TLE2: variants seen among roughly 807,000 people sequenced by gnomAD.
The protein encoded by TLE2 is transducin-like enhancer protein 2.
A neutral mutation model predicts 97.2 loss-of-function variants in TLE2; 74 were observed. The observed-to-expected ratio is 0.76, with a 90% CI of 0.63 to 0.92. The LOEUF is 0.92. TLE2 is among the 40% of genes least tolerant of loss of function. The pLI is 0.00. For missense variants in TLE2, 1,038 were observed against 1,008.7 expected (o/e 1.03, Z -0.39); for synonymous variants, 499 against 432.1 (o/e 1.15, Z -1.92).
upstream of TLE2, among the ~76,000 whole-genome samples, chr19:3,046,726 G>T (rs2090143752): frequency 6.6e-6 from 1 of 152,196 alleles, no homozygotes; most frequent in African/African-American, 2.4e-5. Context: ...CAGAATGGGG[G>T]AGGGGGGCTG....
rs917041948 is a variant in TLE2, at chr19:3,005,468, C to T, written c.1865G>A (p.Arg622His). ...GCTGAAGTCATGCTGCTGCAGCTGG[C>T]GGCCCTCCCGCAGGTCCCAGCAGCG... ...TVRCWDLREG[R>H]QLQQHDFSSQ... Residue 622 changes from arginine to histidine, a missense_variant, in exon 17 of 20, where the codon CGC becomes CAC. Physicochemically the swap from Arg to His is conservative, Grantham distance 29 (BLOSUM62 0). Coordinates refer to ENST00000262953, the MANE Select transcript of TLE2 (RefSeq NM_003260.5). The T allele has an allele frequency of 3.1e-6, 5 of 1,613,654 alleles. No individual in the cohort carries two copies. The highest frequency in any genetic ancestry group is 2.2e-5 in the East Asian group (1 of 44,898).
At chr19:3,027,754 C>T (rs1018596039) in intron 4 of TLE2, 75 bp downstream of exon 4, 2 of 1,499,720 alleles carry the variant, frequency 1.3e-6, no homozygotes, top group African/African-American at 2.8e-5. Flanking sequence ...GCCCCGGCTG[C>T]CCACTCTGGG....
chr19:2,998,234 C>T, intron 19 of TLE2, among the ~76,000 whole-genome samples: 1 of 118,264 alleles, frequency 8.5e-6, no homozygotes, highest in Non-Finnish European at 1.6e-5. Context: ...CCACGCCCGG[C>T]CAATGTGTGT....
chr19:3,014,337 G>C (rs1353645884), intron 10 of TLE2, among the ~76,000 whole-genome samples: 1 of 152,140 alleles, frequency 6.6e-6, no homozygotes, highest in African/African-American at 2.4e-5. Context: ...AGGGAAGGGG[G>C]TGTCACTGCC....
In TLE2 at chr19:3,019,983, T is replaced by A; in HGVS notation, c.295-210A>T. The A allele has an allele frequency of 3.0e-6, 2 of 676,056 alleles. No individual in the cohort carries two copies. The highest frequency in any genetic ancestry group is 4.9e-6 in the Non-Finnish European group (2 of 407,744). 41.9% of individuals were successfully genotyped at this position (676,056 alleles called of 1,614,324 possible). On this transcript the variant is annotated intron_variant, in intron 5 of 19. Transcript: ENST00000262953. The surrounding 1 kb of genome is among the most constrained non-coding windows in gnomAD (Gnocchi z 5.1). ...GAAAGAAACCAAACCTAAGTGCAGG[T>A]AGAATAGTTACAAATCAGGCCGGGC...
rs191431651 is a variant in TLE2, at chr19:3,041,561, C to T, written c.63+4165G>A. Among the ~76,000 whole-genome samples the T allele has an allele frequency of 3.7e-3, 566 of 152,308 alleles. 11 individuals carry two copies. Among genetic ancestry groups the T allele is most frequent in the Admixed American group, 0.034 (521 of 15,308 alleles). ...TCCTCAGAGAGGCCTCCCCTCCTCT[C>T]CTGGGCCAAGCAGCCCCGTCTCTCT... On this transcript the variant is annotated intron_variant, in intron 1 of 18. Transcript: ENST00000426948.
intron 5 of TLE2, 87 bp downstream of exon 5, chr19:3,024,933 T>G: frequency 1.7e-6 from 2 of 1,198,498 alleles, no homozygotes; most frequent in East Asian, 5.1e-5. Context: ...GCAGAATCAG[T>G]GCCTGGGGCG....
upstream of TLE2, among the ~76,000 whole-genome samples, chr19:3,031,215 C>T (rs2090021812): frequency 6.6e-6 from 1 of 151,994 alleles, no homozygotes; most frequent in South Asian, 2.1e-4. Flanking sequence ...AAAAGCAAAC[C>T]TGCTTATGTG....
chr19:3,019,322 T>C lies in TLE2; in HGVS notation c.511A>G (p.Lys171Glu). Residue 171 changes from lysine (K) to glutamate (E), a missense_variant, in exon 7 of 20, where the codon AAG (lysine) becomes GAG (glutamate). By Grantham distance (56) the Lys-to-Glu change is moderately conservative (BLOSUM62 1). Coordinates refer to ENST00000262953, the MANE Select transcript of TLE2 (RefSeq NM_003260.5). The surrounding 1 kb of genome is among the most constrained non-coding windows in gnomAD (Gnocchi z 5.1). Reference sequence around the variant, plus strand: ...GCCTCCACGCCCGCACGGTCCTCCTTGACAGCCGCCGCCAGCTGAGCCTGG... The same window carrying C: ...GCCTCCACGCCCGCACGGTCCTCCTCGACAGCCGCCGCCAGCTGAGCCTGG... ...AAQAQLAAAV[K>E]EDRAGVEAEG... The C allele has an allele frequency of 1.3e-6, 2 of 1,575,634 alleles. No individual in the cohort carries two copies. The highest frequency in any genetic ancestry group is 8.6e-7 in the Non-Finnish European group (1 of 1,169,082).
intron 5 of TLE2, among the ~76,000 whole-genome samples, chr19:3,022,816 G>A (rs1375392181): frequency 6.6e-6 from 1 of 151,980 alleles, no homozygotes; most frequent in Non-Finnish European, 1.5e-5. Context: ...TTCTAGAAAG[G>A]GCCAGAGAGT....
chr19:3,027,968 C>T (rs1195609520), intron 3 of TLE2, 95 bp from the exon 4 acceptor site: 4 of 1,272,648 alleles, frequency 3.1e-6, no homozygotes, highest in Non-Finnish European at 4.5e-6. Context: ...TCCCCAGGTT[C>T]AGGGGAATCA....
chr19:3,029,093 G>T lies in TLE2; in HGVS notation c.-189C>A, dbSNP rs888685855. 2.4e-6 allele frequency: 3 copies of T among 1,255,112 alleles called. No individual in the cohort carries two copies. The Admixed American group carries it at 1.2e-4, about 48-fold the overall frequency. 77.7% of individuals were successfully genotyped at this position (1,255,112 alleles called of 1,614,324 possible). Reference sequence around the variant, plus strand: ...CAAGCGCGCGCGCCCGGGGTCGTGGGAGCCCCTCCCCGGGTTGGGGTGCGC... The same window carrying T: ...CAAGCGCGCGCGCCCGGGGTCGTGGTAGCCCCTCCCCGGGTTGGGGTGCGC... On this transcript the variant is annotated 5_prime_UTR_variant, in exon 1 of 20. Coordinates refer to ENST00000262953, the MANE Select transcript of TLE2 (RefSeq NM_003260.5).
In TLE2 at chr19:3,002,377, G is replaced by A. The variant is rs752370612; in HGVS notation, c.2023C>T (p.Leu675=). Residue 675 remains leucine (L), a synonymous_variant, in exon 18 of 20, where the codon CTG becomes TTG. Coordinates refer to ENST00000262953, the MANE Select transcript of TLE2 (RefSeq NM_003260.5). ...CCGCAGGAGGCAAACTTCAGGGACA[G>A]CACGCAGCTCTCGTGGAGGTGCAGC... The part of the protein sequence containing the change: ...YQLHLHESCV[L]SLKFASCGRW... 18 of 1,613,384 alleles carry A rather than the reference G, an allele frequency of 1.1e-5. No homozygotes were observed. The highest frequency in any genetic ancestry group is 1.5e-5 in the Non-Finnish European group (18 of 1,179,776).
At chr19:3,026,855 G>A (rs911820673) in intron 4 of TLE2, among the ~76,000 whole-genome samples, 3 of 152,066 alleles carry the variant, frequency 2.0e-5, no homozygotes, top group Non-Finnish European at 2.9e-5. Context: ...GAACCTTGAG[G>A]TCTATCTCAG....
chr19:3,024,664 A>G (rs879397684), intron 5 of TLE2, among the ~76,000 whole-genome samples: 2 of 151,970 alleles, frequency 1.3e-5, no homozygotes, highest in Non-Finnish European at 2.9e-5. Context: ...CTTCACACCT[A>G]CGCTACTGAA....
At chr19:3,028,654 C>T (rs980429610) in intron 2 of TLE2, 52 bp downstream of exon 2, 109 of 1,602,428 alleles carry the variant, frequency 6.8e-5, no homozygotes, top group Non-Finnish European at 8.6e-5. Context: ...AGGCCTCGCC[C>T]CGCCCCGGCG....
At position 3,014,588 on chromosome 19, in the gene TLE2, G is replaced by A; in HGVS notation, c.705C>T (p.Tyr235=). 6.3e-7 allele frequency: 1 copy of A among 1,590,384 alleles called. No homozygotes were observed. Among genetic ancestry groups the A allele is most frequent in the Non-Finnish European group, 8.6e-7 (1 of 1,168,058 alleles). Residue 235 remains tyrosine (Y), a synonymous_variant, in exon 10 of 20, where the codon TAC becomes TAT. Transcript: ENST00000262953. ...GACTCACCTCGTCCACCACCAGATT[G>A]TAATCACTCTTGTCTTCGTCGCTTT... ...PYESDEDKSD[Y]NLVVDEDQPS... is the part of the protein sequence containing the mutation.
At chr19:3,047,270 G>A (rs898662213), upstream of TLE2, among the ~76,000 whole-genome samples, 1 of 143,704 alleles carries the variant, frequency 7.0e-6, no homozygotes, top group African/African-American at 2.6e-5. Flanking sequence ...CGTTAAGCGC[G>A]GGGCGGCCGC....
chr19:3,021,913 A>C (rs1298889045), intron 5 of TLE2, among the ~76,000 whole-genome samples: 1 of 152,126 alleles, frequency 6.6e-6, no homozygotes, highest in Non-Finnish European at 1.5e-5. Flanking sequence ...AAATTAACTT[A>C]ATAGATTTCA....
Sources: gnomAD v4.1 joint callset for allele counts (sites outside exome capture counted in the v4.1 genomes callset) on GRCh38, gnomAD v4.1.1 for gene constraint, Gnocchi (gnomAD v3.1) non-coding constraint, MANE v1.5 for transcripts, NCBI Gene and HGNC (gene_info 2026-07-23, HGNC 2026-07-21) for gene names.